The following FRMPD4 variants were observed in gnomAD, a reference collection of about 807,000 sequenced individuals.
FRMPD4 encodes the protein FERM and PDZ domain containing 4, also known as FERM and PDZ domain-containing protein 4.
A neutral mutation model predicts 94.1 loss-of-function variants in FRMPD4; 22 were observed. The ratio of observed to expected loss-of-function variants is 0.23; its 90% CI spans 0.17 to 0.33. The LOEUF (loss-of-function observed/expected upper bound fraction) is 0.33, where lower values mean the gene tolerates loss of function less well. Ranked by LOEUF, FRMPD4 falls within the 10% of genes least tolerant of loss-of-function variation. FRMPD4 has a pLI of 1.00. For missense variants in FRMPD4, 1,111 were observed against 1,339.9 expected (o/e 0.83, Z 2.67); for synonymous variants, 631 against 548.6 (o/e 1.15, Z -2.10).
At chrX:11,833,566 C>T (rs920946496) in intron 1 of FRMPD4, among the ~76,000 whole-genome samples, 1 of 111,643 alleles carries the variant, frequency 9.0e-6, no homozygotes, top group Admixed American at 9.5e-5. Flanking sequence ...TGATAATTCA[C>T]CATGTCAGAA....
At chrX:12,235,330 C>T (rs1034080792) in intron 1 of FRMPD4, among the ~76,000 whole-genome samples, 2 of 111,923 alleles carry the variant, frequency 1.8e-5, no homozygotes, top group Admixed American at 1.9e-4. Flanking sequence ...GAAATAGTCT[C>T]TCCTCTTACA....
At chrX:12,168,366 G>GAA (rs1447111087) in intron 1 of FRMPD4, among the ~76,000 whole-genome samples, 1 of 52,877 alleles carries the variant, frequency 1.9e-5, no homozygotes, top group Non-Finnish European at 3.6e-5. Context: ...AGCCAGATTG[G>GAA]GAAAAAAAAA....
chrX:12,714,374 G>A (rs775624990), intron 14 of FRMPD4, among the ~76,000 whole-genome samples: 1 of 111,261 alleles, frequency 9.0e-6, no homozygotes, highest in African/African-American at 3.3e-5. Context: ...GTCTTCACAT[G>A]GCCTTCCCCT....
intron 4 of FRMPD4, among the ~76,000 whole-genome samples, chrX:12,630,908 A>T (rs749263715): frequency 8.9e-6 from 1 of 111,792 alleles, no homozygotes; most frequent in South Asian, 3.8e-4. Flanking sequence ...AAAGTCCGTA[A>T]TGGGTCCTCC....
At chrX:12,029,776 G>A (rs924893455) in intron 3 of FRMPD4, among the ~76,000 whole-genome samples, 5 of 111,275 alleles carry the variant, frequency 4.5e-5, no homozygotes, top group Admixed American at 9.5e-5. Context: ...CTAATTAGGG[G>A]CTTTGATTAT....
At chrX:11,865,189 A>C in exon 2 of FRMPD4, among the ~76,000 whole-genome samples, 1 of 112,192 alleles carries the variant, frequency 8.9e-6, no homozygotes, top group Middle Eastern at 4.6e-3. Context: ...TTGCCCTTCC[A>C]TGTCATCATC....
rs142214617 is a variant in FRMPD4, at chrX:12,346,334, G to A, written c.42-152346G>A. Among the ~76,000 whole-genome samples, 225 of 110,441 alleles carry A rather than the reference G, an allele frequency of 2.0e-3. 1 individual carries two copies. The highest frequency in any genetic ancestry group is 3.6e-3 in the Admixed American group (37 of 10,359). ...TGTAAATAAAGGAGAGGAAGGCAGA[G>A]TCCAATCTGAAATTGTTATATTGGG... On this transcript the variant is annotated intron_variant, in intron 1 of 16. Coordinates refer to ENST00000675598, the MANE Select transcript of FRMPD4 (RefSeq NM_001368397.1).
At chrX:12,277,860 C>T (rs1281784951) in intron 1 of FRMPD4, among the ~76,000 whole-genome samples, 1 of 112,081 alleles carries the variant, frequency 8.9e-6, no homozygotes, top group Non-Finnish European at 1.9e-5. Context: ...TACCCATGTG[C>T]AGGAGGTGGC....
intron 1 of FRMPD4, among the ~76,000 whole-genome samples, chrX:12,429,745 C>A (rs1191527316): frequency 8.9e-6 from 1 of 111,934 alleles, no homozygotes; most frequent in East Asian, 2.8e-4. Flanking sequence ...TGAATATGTC[C>A]CTTCCAAAAT....
chrX:12,096,569 C>T (rs1306850066), intron 3 of FRMPD4, among the ~76,000 whole-genome samples: 4 of 111,880 alleles, frequency 3.6e-5, no homozygotes, highest in Non-Finnish European at 7.5e-5. Context: ...TGGAATTTTC[C>T]CTCCAGCTTG....
intron 1 of FRMPD4, among the ~76,000 whole-genome samples, chrX:12,237,491 T>G (rs1200512636): frequency 8.9e-6 from 1 of 112,420 alleles, no homozygotes; most frequent in Non-Finnish European, 1.9e-5. Flanking sequence ...TAAACTCATT[T>G]CAATTCTTGG....
At chrX:12,598,364 A>C (rs1458917726) in intron 2 of FRMPD4, among the ~76,000 whole-genome samples, 2 of 111,559 alleles carry the variant, frequency 1.8e-5, no homozygotes, top group African/African-American at 3.3e-5. Flanking sequence ...GGCACCAGGG[A>C]CTAGCAGCAG....
intron 1 of FRMPD4, among the ~76,000 whole-genome samples, chrX:12,393,029 G>C (rs1009582488): frequency 1.8e-5 from 2 of 112,385 alleles, no homozygotes; most frequent in Non-Finnish European, 3.8e-5. Context: ...TGGATAAGAA[G>C]GGAACAAGTT....
intron 1 of FRMPD4, among the ~76,000 whole-genome samples, chrX:12,144,829 T>A (rs2055741344): frequency 9.2e-6 from 1 of 108,492 alleles, no homozygotes; most frequent in Non-Finnish European, 1.9e-5. Context: ...GTCATCAACT[T>A]GTATTTCCAA....
intron 1 of FRMPD4, among the ~76,000 whole-genome samples, chrX:12,293,424 C>T (rs2054719450): frequency 8.9e-6 from 1 of 112,611 alleles, no homozygotes; most frequent in African/African-American, 3.2e-5. Flanking sequence ...TGTCACTGTC[C>T]ATTTTAATAC....
chrX:12,508,795 C>T (rs1166875151), intron 2 of FRMPD4, among the ~76,000 whole-genome samples: 1 of 109,484 alleles, frequency 9.1e-6, no homozygotes, highest in African/African-American at 3.3e-5. Flanking sequence ...GGTTTGAGAC[C>T]AGCCTGACCA....
chrX:12,354,633 A>G (rs1424615149), intron 1 of FRMPD4, among the ~76,000 whole-genome samples: 1 of 112,519 alleles, frequency 8.9e-6, no homozygotes, highest in African/African-American at 3.2e-5. Context: ...TTCCTTTGCT[A>G]TTTAATGAAA....
At chrX:11,894,053 T>G (rs1253311378) in intron 3 of FRMPD4, among the ~76,000 whole-genome samples, 2 of 111,732 alleles carry the variant, frequency 1.8e-5, no homozygotes, top group Non-Finnish European at 3.8e-5. Context: ...TAGGCTTCCC[T>G]GAGTTAAGAA....
At chrX:11,921,433 A>G (rs1167425672) in intron 3 of FRMPD4, among the ~76,000 whole-genome samples, 1 of 110,270 alleles carries the variant, frequency 9.1e-6, no homozygotes, top group Non-Finnish European at 1.9e-5. Flanking sequence ...TAAAGGCCTT[A>G]TCTCCAAATA....
Sources: allele counts gnomAD v4.1 joint callset (sites outside exome capture counted in the v4.1 genomes callset), GRCh38; gene constraint gnomAD v4.1.1; transcripts MANE v1.5; gene names NCBI Gene and HGNC (gene_info 2026-07-23, HGNC 2026-07-21).